Variants in CAGE1 observed in about 807,000 individuals in gnomAD.
CAGE1 encodes cancer antigen 1.
A neutral mutation model predicts 94.9 loss-of-function variants in CAGE1; 66 were observed. The observed-to-expected ratio is 0.70, with a 90% CI of 0.57 to 0.85. The LOEUF (loss-of-function observed/expected upper bound fraction) is 0.85. Among genes scored for constraint, CAGE1 ranks in the 40% least tolerant of loss-of-function variants. The pLI is 0.00. For missense variants in CAGE1, 865 were observed against 950.4 expected, an observed-to-expected ratio of 0.91 and a Z score of 1.18; for synonymous variants, 319 against 321.0, an observed-to-expected ratio of 0.99 and a Z score of 0.07.
At chr6:7,375,675 C>CA (rs1263413162) in intron 4 of CAGE1, among the ~76,000 whole-genome samples, 1 of 152,076 alleles carries the variant, frequency 6.6e-6, no homozygotes, top group East Asian at 1.9e-4. Context: ...GCCATGATCA[C>CA]ACTGCTCTCC....
At chr6:7,381,937 T>G (rs911692944) in intron 3 of CAGE1, among the ~76,000 whole-genome samples, 2 of 151,884 alleles carry the variant, frequency 1.3e-5, no homozygotes, top group African/African-American at 4.8e-5. Context: ...CCTCCTGGGT[T>G]CACGCCATTC....
chr6:7,343,519 A>C (rs79869625), intron 11 of CAGE1, among the ~76,000 whole-genome samples: 1 of 152,192 alleles, frequency 6.6e-6, no homozygotes, highest in Admixed American at 6.5e-5. Context: ...ATGGAAAAAC[A>C]TTTACAGGGG....
chr6:7,383,822 G>GT (rs1761021835), intron 3 of CAGE1, among the ~76,000 whole-genome samples: 1 of 151,962 alleles, frequency 6.6e-6, no homozygotes, highest in Non-Finnish European at 1.5e-5. Context: ...GTTTTATAAT[G>GT]TTTTTTAATG....
chr6:7,368,126 G>A (rs754699977), intron 7 of CAGE1, among the ~76,000 whole-genome samples: 12 of 151,914 alleles, frequency 7.9e-5, no homozygotes, highest in East Asian at 1.9e-4. Context: ...GGCAGCACAC[G>A]CCTGTAATCC....
chr6:7,387,705 C>T (rs1761165602), intron 1 of CAGE1, among the ~76,000 whole-genome samples: 2 of 151,964 alleles, frequency 1.3e-5, no homozygotes, highest in Admixed American at 6.6e-5. Context: ...GATACCAAGT[C>T]CCGTCCATGT....
chr6:7,355,598 G>A (rs1295014520), intron 10 of CAGE1, among the ~76,000 whole-genome samples: 1 of 152,230 alleles, frequency 6.6e-6, no homozygotes, highest in African/African-American at 2.4e-5. Context: ...TCATTATGAA[G>A]TAAAAGGGAT....
intron 11 of CAGE1, among the ~76,000 whole-genome samples, chr6:7,335,628 G>A (rs1305562902): frequency 6.6e-6 from 1 of 152,224 alleles, no homozygotes; most frequent in African/African-American, 2.4e-5. Context: ...CATTCAGGCT[G>A]GAATATAGTG....
At chr6:7,333,876 C>T in intron 12 of CAGE1, 146 bp downstream of exon 12, 1 of 496,880 alleles carries the variant, frequency 2.0e-6, no homozygotes, top group Non-Finnish European at 3.6e-6. Flanking sequence ...CCATGTTGGC[C>T]AGGCTGGTCT....
intron 9 of CAGE1, 126 bp from the exon 10 acceptor site, chr6:7,356,255 C>T (rs1759949751): frequency 9.8e-6 from 6 of 615,032 alleles, no homozygotes; most frequent in Admixed American, 2.8e-5. Context: ...CGAGCTGTAC[C>T]GTAGGTGAAG....
chr6:7,327,169 C>G (rs1201939206), intron 13 of CAGE1, among the ~76,000 whole-genome samples: 1 of 152,194 alleles, frequency 6.6e-6, no homozygotes, highest in African/African-American at 2.4e-5. Context: ...TCTCCTGCCT[C>G]TGCCTCCCAA....
chr6:7,369,278 G>A (rs1367402030), intron 6 of CAGE1, among the ~76,000 whole-genome samples: 2 of 152,148 alleles, frequency 1.3e-5, no homozygotes, highest in African/African-American at 2.4e-5. Context: ...AAATTGCTGG[G>A]ATTACAGGCG....
At chr6:7,343,750 G>A (rs917320551) in intron 11 of CAGE1, among the ~76,000 whole-genome samples, 1 of 152,142 alleles carries the variant, frequency 6.6e-6, no homozygotes, top group Non-Finnish European at 1.5e-5. Context: ...GAATGGAATA[G>A]AAGGTCACCT....
At chr6:7,350,990 T>TA (rs972017689) in intron 11 of CAGE1, among the ~76,000 whole-genome samples, 2 of 152,114 alleles carry the variant, frequency 1.3e-5, no homozygotes, top group Non-Finnish European at 2.9e-5. Context: ...TTTGAAAAGA[T>TA]AAATAAAATT....
chr6:7,333,289 G>A (rs562172783), intron 12 of CAGE1, among the ~76,000 whole-genome samples: 8 of 152,194 alleles, frequency 5.3e-5, no homozygotes, highest in Non-Finnish European at 1.0e-4. Context: ...CAGGGTTTGC[G>A]CATACATCTT....
chr6:7,389,717 A>T lies in CAGE1; in HGVS notation c.-539T>A. ...GAGAGCACAGAACATCCACAGCCCT[A>T]TACAGCGCGCCATCCAGAGAGCTCC... On this transcript the variant is annotated 5_prime_UTR_variant, in exon 1 of 14. Coordinates refer to ENST00000502583, the MANE Select transcript of CAGE1 (RefSeq NM_001170692.2). 1 of 544,318 alleles carries T rather than the reference A, an allele frequency of 1.8e-6. No individual in the cohort carries two copies. The highest frequency in any genetic ancestry group is 3.3e-6 in the Non-Finnish European group (1 of 302,226). 33.7% of individuals were successfully genotyped at this position (544,318 alleles called of 1,614,324 possible).
intron 7 of CAGE1, 63 bp downstream of exon 7, chr6:7,368,622 CACT>C: frequency 1.2e-6 from 1 of 847,292 alleles, no homozygotes; most frequent in East Asian, 2.8e-5. Flanking sequence ...GTTACTTCTT[CACT>C]ACCTTTTAAC....
intron 11 of CAGE1, among the ~76,000 whole-genome samples, chr6:7,347,177 A>G (rs1336832692): frequency 2.6e-5 from 4 of 152,128 alleles, no homozygotes; most frequent in Non-Finnish European, 5.9e-5. Context: ...AATGACTGCA[A>G]GAACAAATCA....
At chr6:7,383,746 A>G (rs1440939423) in intron 3 of CAGE1, among the ~76,000 whole-genome samples, 1 of 152,220 alleles carries the variant, frequency 6.6e-6, no homozygotes, top group Non-Finnish European at 1.5e-5. Context: ...AATAGACTTC[A>G]GGAAAACTGA....
At chr6:7,375,706 A>G (rs1469791348) in intron 4 of CAGE1, among the ~76,000 whole-genome samples, 1 of 152,210 alleles carries the variant, frequency 6.6e-6, no homozygotes, top group Admixed American at 6.5e-5. Context: ...ACAGAGCAAG[A>G]CACCTTGTAT....
Sources: gnomAD v4.1 joint callset for allele counts (sites outside exome capture counted in the v4.1 genomes callset) on GRCh38, gnomAD v4.1.1 for gene constraint, MANE v1.5 for transcripts, NCBI Gene and HGNC (gene_info 2026-07-23, HGNC 2026-07-21) for gene names.